The following TBPL1 variants were observed in gnomAD, a reference collection of about 807,000 sequenced individuals.
The protein encoded by TBPL1 is TATA box-binding protein-like 1.
In TBPL1, 4 loss-of-function variants were observed where a neutral mutation model predicts 22.1. That is an observed-to-expected ratio of 0.18 (90% CI 0.09 to 0.41). TBPL1 has a LOEUF of 0.41. TBPL1 is among the 10% of genes least tolerant of loss of function. The pLI is 1.00. For synonymous variants in TBPL1, 64 were observed against 71.0 expected (o/e 0.90, Z 0.50); for missense variants, 115 against 222.3 (o/e 0.52, Z 3.07).
chr6:133,957,678 A>G (rs770042286), intron 1 of TBPL1, among the ~76,000 whole-genome samples: 1 of 152,228 alleles, frequency 6.6e-6, no homozygotes, highest in Non-Finnish European at 1.5e-5. Context: ...GCCTGTGTTC[A>G]GCATCATGGC....
At chr6:133,973,183 G>T (rs1426900343) in intron 1 of TBPL1, among the ~76,000 whole-genome samples, 1 of 152,152 alleles carries the variant, frequency 6.6e-6, no homozygotes, top group Non-Finnish European at 1.5e-5. Flanking sequence ...AAGGATGTGA[G>T]GTTACTTTGA....
At chr6:133,986,836 CT>C (rs199644439) in intron 6 of TBPL1, 124 bp from the exon 7 acceptor site, 24 of 572,750 alleles carry the variant, frequency 4.2e-5, no homozygotes, top group South Asian at 9.3e-5. Context: ...GTCTAGTTTT[CT>C]TTTTTTTAAC....
At position 133,981,173 on chromosome 6, in the gene TBPL1, G is replaced by A. The variant is rs143423826; in HGVS notation, c.135+913G>A. On this transcript the variant is annotated intron_variant, in intron 2 of 6. Coordinates refer to ENST00000237264, the MANE Select transcript of TBPL1 (RefSeq NM_004865.4). ...TTTTTAGTAGAGACGGGGTTTCACC[G>A]TGTTGGCCAGGATGGTCTCAATCTC... 1.1e-3 allele frequency among the ~76,000 whole-genome samples: 169 copies of A among 151,932 alleles called. 1 individual carries two copies. Among genetic ancestry groups the A allele is most frequent in the African/African-American group, 2.8e-3 (116 of 41,438 alleles).
chr6:133,985,407 A>G (rs1466426063), intron 6 of TBPL1, among the ~76,000 whole-genome samples: 5 of 145,374 alleles, frequency 3.4e-5, no homozygotes, highest in African/African-American at 1.3e-4. Context: ...GATATCTTAC[A>G]TTTAAAATTC....
chr6:133,987,104 C>T lies in TBPL1; in HGVS notation c.*64C>T. 1.7e-6 allele frequency: 2 copies of T among 1,152,400 alleles called. No individual in the cohort carries two copies. Among genetic ancestry groups the T allele is most frequent in the Non-Finnish European group, 2.5e-6 (2 of 801,368 alleles). 71.4% of individuals were successfully genotyped at this position (1,152,400 alleles called of 1,614,324 possible). On this transcript the variant is annotated 3_prime_UTR_variant, in exon 7 of 7. Coordinates refer to ENST00000237264, the MANE Select transcript of TBPL1 (RefSeq NM_004865.4). Reference sequence around the variant, plus strand: ...TTTTAAACCTGCTGCACATTGGACTCAAAAGGAAAACTGGACCAACAATAA... The same window carrying T: ...TTTTAAACCTGCTGCACATTGGACTTAAAAGGAAAACTGGACCAACAATAA...
At chr6:133,986,040 T>C (rs1290290202) in intron 6 of TBPL1, 4 of 152,226 alleles carry the variant, frequency 2.6e-5, no homozygotes, top group Non-Finnish European at 1.5e-5. Flanking sequence ...TGAAGACAAT[T>C]CACCTGGTTA....
intron 1 of TBPL1, among the ~76,000 whole-genome samples, chr6:133,973,141 A>G (rs942735881): frequency 6.6e-6 from 1 of 152,224 alleles, no homozygotes; most frequent in Non-Finnish European, 1.5e-5. Context: ...CAAAATGTCT[A>G]TTTCCTAATC....
chr6:133,958,882 A>G (rs1156849560), intron 1 of TBPL1, among the ~76,000 whole-genome samples: 1 of 152,106 alleles, frequency 6.6e-6, no homozygotes, highest in Non-Finnish European at 1.5e-5. Flanking sequence ...GCTGGTTTTT[A>G]TAAGCTTCCA....
At chr6:133,981,544 G>A (rs1267249439) in intron 2 of TBPL1, among the ~76,000 whole-genome samples, 1 of 152,294 alleles carries the variant, frequency 6.6e-6, no homozygotes, top group Non-Finnish European at 1.5e-5. Flanking sequence ...ACAATTAAAT[G>A]TAGGATAAAC....
At chr6:133,980,416 C>T (rs967605419) in intron 2 of TBPL1, among the ~76,000 whole-genome samples, 156 bp downstream of exon 2, 1 of 152,174 alleles carries the variant, frequency 6.6e-6, no homozygotes, top group African/African-American at 2.4e-5. Flanking sequence ...AGCAATCCCT[C>T]CTCTCATGGA....
chr6:133,985,119 A>C (rs2114391066), intron 6 of TBPL1, among the ~76,000 whole-genome samples: 1 of 151,290 alleles, frequency 6.6e-6, no homozygotes, highest in East Asian at 2.0e-4. Context: ...CTCTACTAAA[A>C]ATACAAAATA....
chr6:133,985,945 C>T (rs1776513655), intron 6 of TBPL1: 2 of 152,284 alleles, frequency 1.3e-5, no homozygotes, highest in Non-Finnish European at 2.9e-5. Flanking sequence ...ATTGAACAAT[C>T]TCTACTAAGT....
chr6:133,965,332 A>G (rs941699510), intron 1 of TBPL1, among the ~76,000 whole-genome samples: 5 of 152,206 alleles, frequency 3.3e-5, no homozygotes, highest in African/African-American at 1.2e-4. Context: ...GAAAACAAAT[A>G]CCTTACAATT....
rs1458879879 is a variant in TBPL1, at chr6:133,982,798, T to G, written c.219-19T>G. On this transcript the variant is annotated intron_variant, in intron 3 of 6. Coordinates refer to ENST00000237264, the MANE Select transcript of TBPL1 (RefSeq NM_004865.4). ...TTTCCTGTGTAACTGATAATCTTTT[T>G]CTTTCCTTAAAACCGTAGTGAAGAA... The G allele has an allele frequency of 6.2e-7, 1 of 1,606,714 alleles. No individual in the cohort carries two copies. Among genetic ancestry groups the G allele is most frequent in the Non-Finnish European group, 8.5e-7 (1 of 1,178,074 alleles).
rs764274079 is a variant in TBPL1 at position 133,984,441 on chromosome 6, T to C, written c.348T>C (p.Arg116=). 6.2e-7 allele frequency: 1 copy of C among 1,613,806 alleles called. No homozygotes were observed. Among genetic ancestry groups the C allele is most frequent in the South Asian group, 1.1e-5 (1 of 91,070 alleles). ...LAVCNMPFEI[R]LPEFTKNNRP... is the part of the protein sequence containing the mutation. ...TGTGTAACATGCCATTTGAAATCCG[T>C]TTGCCAGAATTCACAAAGAACAATA... Residue 116 remains arginine, a synonymous_variant, in exon 5 of 7, where the codon CGT becomes CGC. Coordinates refer to ENST00000237264, the MANE Select transcript of TBPL1 (RefSeq NM_004865.4).
rs1286605156 is a variant in TBPL1 at position 133,984,373 on chromosome 6, A to T, written c.283-3A>T. On this transcript the variant is annotated splice_region_variant and splice_polypyrimidine_tract_variant and intron_variant, in intron 4 of 6. Transcript: ENST00000237264. ...TTTATTGAATTTTACTTCTCTCCTA[A>T]AGGTAATATTTACAGATTTTAAGGT... 6.2e-7 allele frequency: 1 copy of T among 1,601,246 alleles called. No homozygotes were observed. Among genetic ancestry groups the T allele is most frequent in the Admixed American group, 1.7e-5 (1 of 58,440 alleles).
Position 133,988,100 on chromosome 6 carries a change from C to G in TBPL1, c.*1060C>G, listed in dbSNP as rs2114401917. 1 of 152,156 alleles carries G rather than the reference C, an allele frequency of 6.6e-6. No homozygotes were observed. The highest frequency in any genetic ancestry group is 1.9e-4 in the East Asian group (1 of 5,194). The allele number at this position is 152,156 out of a possible 1,614,324, so 9.4% of individuals were successfully genotyped here. A position where few individuals can be genotyped will look rare whatever the true frequency, so the allele number is the denominator to read the frequency against. On this transcript the variant is annotated 3_prime_UTR_variant, in exon 7 of 7. Coordinates refer to ENST00000237264, the MANE Select transcript of TBPL1 (RefSeq NM_004865.4). Reference sequence around the variant, plus strand: ...TTAACAAGAAGTGCCCATAAGCTGCCTCTGTGCCACAGTGTAATTATCAAA... The same window carrying G: ...TTAACAAGAAGTGCCCATAAGCTGCGTCTGTGCCACAGTGTAATTATCAAA...
At chr6:133,954,797 G>T (rs905525892) in intron 1 of TBPL1, among the ~76,000 whole-genome samples, 2 of 151,948 alleles carry the variant, frequency 1.3e-5, no homozygotes, top group African/African-American at 4.8e-5. Context: ...TCCTCTTTAC[G>T]TACCCTCTGC....
chr6:133,965,709 C>G (rs1325021974), intron 1 of TBPL1, among the ~76,000 whole-genome samples: 6 of 151,904 alleles, frequency 3.9e-5, no homozygotes, highest in Non-Finnish European at 1.5e-5. Context: ...TTACCACTTA[C>G]TTTTAAACTT....
Sources: allele counts gnomAD v4.1 joint callset (sites outside exome capture counted in the v4.1 genomes callset), GRCh38; gene constraint gnomAD v4.1.1; transcripts MANE v1.5; gene names NCBI Gene and HGNC (gene_info 2026-07-23, HGNC 2026-07-21).